The following DCDC2C variants were observed in gnomAD, a reference collection of about 807,000 sequenced individuals.
The protein encoded by DCDC2C is doublecortin domain-containing protein 2C.
DCDC2C carries 44 observed loss-of-function variants against 45.0 expected under a neutral mutation model. That is an observed-to-expected ratio of 0.98 (90% CI 0.77 to 1.26). The LOEUF (loss-of-function observed/expected upper bound fraction) is 1.26, where lower values mean the gene tolerates loss of function less well. DCDC2C is among the 50% of genes most tolerant of loss of function. The probability of loss-of-function intolerance (pLI) is 0.00; values close to 1 mark genes in which losing one functional copy is unlikely to be tolerated. For synonymous variants in DCDC2C, 187 were observed against 178.8 expected (o/e 1.05, Z -0.37); for missense variants, 447 against 468.9 (o/e 0.95, Z 0.43).
At chr2:3,754,563 T>A (rs1372182783) in intron 5 of DCDC2C, 29 bp from the exon 6 acceptor site, 1 of 1,547,958 alleles carries the variant, frequency 6.5e-7, no homozygotes, top group Non-Finnish European at 8.7e-7. Flanking sequence ...GGGCTTTACA[T>A]TTCAAGTTGA....
At chr2:3,715,786 A>C (rs1363048517) in intron 2 of DCDC2C, among the ~76,000 whole-genome samples, 1 of 152,218 alleles carries the variant, frequency 6.6e-6, no homozygotes, top group East Asian at 1.9e-4. Context: ...GCAGTTGTAC[A>C]AAAAGGAAAA....
chr2:3,757,718 C>A (rs139686051), intron 6 of DCDC2C, among the ~76,000 whole-genome samples: 1 of 152,262 alleles, frequency 6.6e-6, no homozygotes, highest in African/African-American at 2.4e-5. Context: ...TAAGCATGGG[C>A]GTAACCCTAG....
chr2:3,827,848 C>A (rs567660526), intron 10 of DCDC2C, among the ~76,000 whole-genome samples: 2 of 152,172 alleles, frequency 1.3e-5, no homozygotes, highest in African/African-American at 4.8e-5. Flanking sequence ...AGAAAAGAAC[C>A]CATTGGGCAT....
Position 3,754,212 on chromosome 2 carries a change from G to A in DCDC2C, c.684-380G>A, listed in dbSNP as rs116051210. 7.8e-3 allele frequency among the ~76,000 whole-genome samples: 1,194 copies of A among 152,302 alleles called. 17 individuals are homozygous for A. Among genetic ancestry groups the A allele is most frequent in the African/African-American group, 0.027 (1,106 of 41,560 alleles). ...TGCAGCTTACACAGAATAGACCAAGGAGGTGCTCTGAATTTGCAGAGAATC... is the reference window on the plus strand; with the variant it reads ...TGCAGCTTACACAGAATAGACCAAGAAGGTGCTCTGAATTTGCAGAGAATC... On this transcript the variant is annotated intron_variant, in intron 5 of 10. Coordinates refer to ENST00000399143, the MANE Select transcript of DCDC2C (RefSeq NM_001287444.2).
chr2:3,753,242 T>C (rs772300798), intron 5 of DCDC2C, among the ~76,000 whole-genome samples: 1 of 152,236 alleles, frequency 6.6e-6, no homozygotes, highest in African/African-American at 2.4e-5. Flanking sequence ...CATGATGCTT[T>C]GTTTTCTTAA....
At chr2:3,730,295 A>T (rs1371421600) in intron 3 of DCDC2C, among the ~76,000 whole-genome samples, 3 of 152,196 alleles carry the variant, frequency 2.0e-5, no homozygotes, top group South Asian at 2.1e-4. Context: ...TTAAAAAAAA[A>T]TAAAGAAACC....
At chr2:3,788,673 T>C (rs1341870977) in intron 10 of DCDC2C, 2 of 152,190 alleles carry the variant, frequency 1.3e-5, no homozygotes, top group Non-Finnish European at 1.5e-5. Context: ...CAGGACAATG[T>C]TATGCGTGAT....
chr2:3,829,832 C>T (rs1218634616), intron 10 of DCDC2C, among the ~76,000 whole-genome samples: 1 of 152,170 alleles, frequency 6.6e-6, no homozygotes, highest in Admixed American at 6.5e-5. Flanking sequence ...CCCTGCTTTT[C>T]CTCTTCCTAT....
At chr2:3,731,240 A>G (rs1284892975) in intron 3 of DCDC2C, among the ~76,000 whole-genome samples, 3 of 152,150 alleles carry the variant, frequency 2.0e-5, no homozygotes, top group African/African-American at 7.2e-5. Context: ...GTCCTTCCAG[A>G]ACCCACTTAA....
At chr2:3,785,165 A>G (rs1412672641) in intron 10 of DCDC2C, 65 bp downstream of exon 10, 1 of 1,163,368 alleles carries the variant, frequency 8.6e-7, no homozygotes, top group Non-Finnish European at 1.1e-6. Flanking sequence ...CTAACAAGAG[A>G]ATCCACGGAT....
At chr2:3,791,317 G>T (rs1227320993) in intron 10 of DCDC2C, among the ~76,000 whole-genome samples, 2 of 152,212 alleles carry the variant, frequency 1.3e-5, no homozygotes, top group Non-Finnish European at 2.9e-5. Context: ...GCCTTTTCGT[G>T]TGGTGGGCTC....
At chr2:3,714,930 C>A (rs1668311675) in intron 2 of DCDC2C, among the ~76,000 whole-genome samples, 2 of 152,090 alleles carry the variant, frequency 1.3e-5, no homozygotes, top group African/African-American at 2.4e-5. Flanking sequence ...TAAAAAAGTA[C>A]CCTATAATTC....
In DCDC2C at chr2:3,838,452, C is replaced by CAGAGAGAGAG. The variant is rs61141962; in HGVS notation, c.1066-8680_1066-8671dup. On this transcript the variant is annotated intron_variant, in intron 10 of 10. Transcript: ENST00000399143. ...CTGTTGTGGTCCCCAAGGATCATGACAGAGAGAGAGAGAGAGAGAGAGAGA... is the reference window on the plus strand; with the variant it reads ...CTGTTGTGGTCCCCAAGGATCATGACAGAGAGAGAGAGAGAGAGAGAGAGAGAGAGAGAGA... 7.0e-3 allele frequency among the ~76,000 whole-genome samples: 790 copies of CAGAGAGAGAG among 112,452 alleles called. 10 individuals carry two copies. Among genetic ancestry groups the CAGAGAGAGAG allele is most frequent in the East Asian group, 0.047 (207 of 4,368 alleles). The allele number at this position is 112,452 out of a possible 152,430, so 73.8% of individuals were successfully genotyped here. A position where few individuals can be genotyped will look rare whatever the true frequency, so the allele number is the denominator to read the frequency against.
At chr2:3,783,310 C>A (rs1670563529) in intron 9 of DCDC2C, among the ~76,000 whole-genome samples, 1 of 152,114 alleles carries the variant, frequency 6.6e-6, no homozygotes, top group Non-Finnish European at 1.5e-5. Context: ...CATGTTCTGG[C>A]CTATCCGGAG....
intron 10 of DCDC2C, among the ~76,000 whole-genome samples, chr2:3,832,480 C>T (rs1572648589): frequency 6.6e-6 from 1 of 152,282 alleles, no homozygotes; most frequent in Middle Eastern, 3.4e-3. Flanking sequence ...GTTGGGTGCT[C>T]TGAGATTGTT....
intron 6 of DCDC2C, among the ~76,000 whole-genome samples, chr2:3,762,461 C>T (rs1019226012): frequency 7.9e-5 from 12 of 152,122 alleles, no homozygotes; most frequent in Non-Finnish European, 1.2e-4. Context: ...AATTGGCTCA[C>T]GGTTCTGCAG....
chr2:3,758,514 A>G (rs1052998671), intron 6 of DCDC2C, among the ~76,000 whole-genome samples: 1 of 152,216 alleles, frequency 6.6e-6, no homozygotes, highest in Non-Finnish European at 1.5e-5. Context: ...CTATCAATTG[A>G]GTATATTCTT....
chr2:3,800,095 A>G (rs1671076365), intron 10 of DCDC2C, among the ~76,000 whole-genome samples: 3 of 152,170 alleles, frequency 2.0e-5, no homozygotes, highest in Admixed American at 2.0e-4. Flanking sequence ...AGCCCGTTGG[A>G]AAAGCGCAGT....
chr2:3,759,551 C>T (rs1054316990), intron 6 of DCDC2C, among the ~76,000 whole-genome samples: 1 of 152,088 alleles, frequency 6.6e-6, no homozygotes, highest in Non-Finnish European at 1.5e-5. Flanking sequence ...GAAGTCAAGA[C>T]CGACCTCAGG....
Sources: gnomAD v4.1 joint callset for allele counts (sites outside exome capture counted in the v4.1 genomes callset) on GRCh38, gnomAD v4.1.1 for gene constraint, MANE v1.5 for transcripts, NCBI Gene and HGNC (gene_info 2026-07-23, HGNC 2026-07-21) for gene names.